KLF8: variants seen among roughly 807,000 people sequenced by gnomAD.
KLF8 encodes KLF transcription factor 8, also known as Krueppel-like factor 8.
A neutral mutation model predicts 18.2 loss-of-function variants in KLF8; 10 were observed. The ratio of observed to expected loss-of-function variants is 0.55; its 90% CI spans 0.34 to 0.93. The LOEUF is 0.93. Ranked by LOEUF, KLF8 falls within the 40% of genes least tolerant of loss-of-function variation. The pLI is 0.02. For missense variants in KLF8, 264 were observed against 277.9 expected, an observed-to-expected ratio of 0.95 and a Z score of 0.36; for synonymous variants, 109 against 97.3, an observed-to-expected ratio of 1.12 and a Z score of -0.71.
chrX:55,916,024 G>A, the KLF8 span, among the ~76,000 whole-genome samples: 11 of 111,907 alleles, frequency 9.8e-5, no homozygotes, highest in Admixed American at 4.7e-4. Flanking sequence ...TTACAGTTCA[G>A]TCACATGAAC....
the KLF8 span, among the ~76,000 whole-genome samples, chrX:56,197,386 TA>T: frequency 2.7e-5 from 3 of 110,972 alleles, no homozygotes; most frequent in Non-Finnish European, 3.8e-5. Context: ...ATAGATGCAA[TA>T]AAAAATGATA....
chrX:56,288,233 T>G lies in KLF8; in HGVS notation c.*3739T>G, dbSNP rs966497323. Among the ~76,000 whole-genome samples, 2 of 108,986 alleles carry G rather than the reference T, an allele frequency of 1.8e-5. No individual in the cohort carries two copies. Among genetic ancestry groups the G allele is most frequent in the African/African-American group, 6.9e-5 (2 of 29,121 alleles). 94.6% of individuals were successfully genotyped at this position (108,986 alleles called of 115,157 possible). ...CAGCCTGGGTGACAGAGCGACACAC[T>G]TGATCTCAAAAAAAAAAAAATTGTT... On this transcript the variant is annotated 3_prime_UTR_variant, in exon 6 of 6. Coordinates refer to ENST00000468660, the MANE Select transcript of KLF8 (RefSeq NM_007250.5).
At chrX:55,999,093 A>G in the KLF8 span, among the ~76,000 whole-genome samples, 6 of 109,079 alleles carry the variant, frequency 5.5e-5, no homozygotes, top group Non-Finnish European at 1.1e-4. Context: ...TTTATTGACT[A>G]GGGTGTCCTT....
rs951094337 is a variant in KLF8, at chrX:56,233,148, C to T, written c.-187C>T. Reference sequence around the variant, plus strand: ...CTCCCTCCCCTTTCGACCCCCTCCTCATTTTCCAGCCCGGAGAAATAGGGG... The same window carrying T: ...CTCCCTCCCCTTTCGACCCCCTCCTTATTTTCCAGCCCGGAGAAATAGGGG... On this transcript the variant is annotated 5_prime_UTR_variant, in exon 1 of 6. Coordinates refer to ENST00000468660, the MANE Select transcript of KLF8 (RefSeq NM_007250.5). The T allele has an allele frequency of 4.0e-6, 2 of 502,079 alleles. No homozygotes were observed. The highest frequency in any genetic ancestry group is 2.3e-5 in the African/African-American group (1 of 42,865). The allele number at this position is 502,079 out of a possible 1,213,427, so 41.4% of individuals were successfully genotyped here.
At chrX:56,097,344 T>C in the KLF8 span, among the ~76,000 whole-genome samples, 2 of 103,837 alleles carry the variant, frequency 1.9e-5, no homozygotes, top group African/African-American at 7.0e-5. Flanking sequence ...TTTCTTTCTT[T>C]TTTTTTTTTT....
the KLF8 span, among the ~76,000 whole-genome samples, chrX:56,009,987 G>A: frequency 8.9e-6 from 1 of 112,114 alleles, no homozygotes; most frequent in Non-Finnish European, 1.9e-5. Context: ...ATGACTGATT[G>A]GGGTACCTGA....
At chrX:56,045,123 A>T in the KLF8 span, among the ~76,000 whole-genome samples, 1 of 111,860 alleles carries the variant, frequency 8.9e-6, no homozygotes, top group African/African-American at 3.2e-5. Context: ...ATGGCTTGCT[A>T]GTTATTCCAG....
At chrX:56,199,473 C>G in the KLF8 span, among the ~76,000 whole-genome samples, 147 of 112,089 alleles carry the variant, frequency 1.3e-3, no homozygotes, top group Middle Eastern at 0.014. Context: ...ATGCAGCCTA[C>G]AGACACATGA....
At chrX:56,025,578 G>A in the KLF8 span, among the ~76,000 whole-genome samples, 40 of 112,022 alleles carry the variant, frequency 3.6e-4, no homozygotes, top group Admixed American at 3.2e-3. Flanking sequence ...CTAGAGAACC[G>A]CATCTTATTC....
At chrX:56,230,985 C>G (rs759269995), upstream of KLF8, among the ~76,000 whole-genome samples, 1 of 109,500 alleles carries the variant, frequency 9.1e-6, no homozygotes, top group Non-Finnish European at 1.9e-5. Flanking sequence ...GAAGGACATG[C>G]AAGAAAAAAA....
the KLF8 span, among the ~76,000 whole-genome samples, chrX:55,938,397 C>A: frequency 9.0e-6 from 1 of 111,688 alleles, no homozygotes; most frequent in Admixed American, 9.5e-5. Context: ...AAAGGAAAAA[C>A]CAGTACCAGC....
chrX:56,064,989 C>A, the KLF8 span, among the ~76,000 whole-genome samples: 1 of 111,419 alleles, frequency 9.0e-6, no homozygotes, highest in Non-Finnish European at 1.9e-5. Context: ...CCTTTATATG[C>A]GCCTTTATGT....
At chrX:56,139,094 G>A in the KLF8 span, among the ~76,000 whole-genome samples, 4 of 111,136 alleles carry the variant, frequency 3.6e-5, no homozygotes, top group Admixed American at 1.9e-4. Flanking sequence ...CAGCTAACTA[G>A]GGATGTGAAA....
At chrX:56,089,914 C>A in the KLF8 span, among the ~76,000 whole-genome samples, 1 of 112,119 alleles carries the variant, frequency 8.9e-6, no homozygotes, top group Admixed American at 9.5e-5. Flanking sequence ...AATAAGTATG[C>A]TGAAATATGC....
chrX:56,231,680 C>T (rs747818357), upstream of KLF8, among the ~76,000 whole-genome samples: 69 of 111,412 alleles, frequency 6.2e-4, no homozygotes, highest in African/African-American at 2.1e-3. Flanking sequence ...TTCAGGCAAG[C>T]GTAAAGAAAT....
chrX:56,008,486 G>A, the KLF8 span, among the ~76,000 whole-genome samples: 25 of 112,070 alleles, frequency 2.2e-4, no homozygotes, highest in Non-Finnish European at 3.8e-4. Flanking sequence ...ATCCCACATG[G>A]GAAACCACAT....
the KLF8 span, among the ~76,000 whole-genome samples, chrX:55,923,138 A>G: frequency 9.0e-6 from 1 of 111,543 alleles, no homozygotes; most frequent in African/African-American, 3.3e-5. Flanking sequence ...ATGGAATACT[A>G]TGCAGCTATA....
chrX:56,199,287 T>C, the KLF8 span, among the ~76,000 whole-genome samples: 2 of 111,830 alleles, frequency 1.8e-5, no homozygotes, highest in African/African-American at 6.5e-5. Context: ...GAAACTACCA[T>C]CTGAGTGAAC....
the KLF8 span, among the ~76,000 whole-genome samples, chrX:56,096,315 AGG>A: frequency 9.0e-6 from 1 of 111,202 alleles, no homozygotes; most frequent in African/African-American, 3.3e-5. Context: ...AGGAGGCATG[AGG>A]GTTGAAAAAT....
Sources: allele counts gnomAD v4.1 joint callset (sites outside exome capture counted in the v4.1 genomes callset), GRCh38; gene constraint gnomAD v4.1.1; transcripts MANE v1.5; gene names NCBI Gene and HGNC (gene_info 2026-07-23, HGNC 2026-07-21).